CPEB1: variants seen among roughly 807,000 people sequenced by gnomAD.
CPEB1 encodes the protein cytoplasmic polyadenylation element binding protein 1.
In CPEB1, 7 loss-of-function variants were observed where a neutral mutation model predicts 65.8. That is an observed-to-expected ratio of 0.11 (90% CI 0.06 to 0.20). CPEB1 has a LOEUF of 0.20. CPEB1 is among the 10% of genes least tolerant of loss of function. CPEB1 has a pLI of 1.00. For missense variants in CPEB1, 551 were observed against 712.2 expected (o/e 0.77, Z 2.58); for synonymous variants, 262 against 260.0 (o/e 1.01, Z -0.08).
At chr15:82,592,433 C>T (rs2042333244) in intron 3 of CPEB1, among the ~76,000 whole-genome samples, 1 of 151,860 alleles carries the variant, frequency 6.6e-6, no homozygotes, top group Admixed American at 6.6e-5. Flanking sequence ...ACCAAAAATA[C>T]AGGGACTGGT....
chr15:82,628,641 T>C (rs2045974825), intron 1 of CPEB1, 85 bp from the exon 2 acceptor site: 2 of 590,056 alleles, frequency 3.4e-6, no homozygotes, highest in Non-Finnish European at 6.0e-6. Flanking sequence ...ACAGAAATTA[T>C]TTCTGTAAAG....
intron 3 of CPEB1, among the ~76,000 whole-genome samples, chr15:82,595,594 T>C (rs901042353): frequency 2.6e-5 from 4 of 152,168 alleles, no homozygotes; most frequent in Non-Finnish European, 5.9e-5. Context: ...TTCACAATGA[T>C]ACTAAAAAAC....
At chr15:82,575,209 G>T (rs942216453) in intron 3 of CPEB1, among the ~76,000 whole-genome samples, 8 of 152,168 alleles carry the variant, frequency 5.3e-5, no homozygotes, top group African/African-American at 1.7e-4. Flanking sequence ...CAATATACCA[G>T]ACTTAAAGCA....
Position 82,633,529 on chromosome 15 carries a change from C to T in CPEB1, c.-97-4973G>A, listed in dbSNP as rs566833728. Among the ~76,000 whole-genome samples, 7 of 152,196 alleles carry T rather than the reference C, an allele frequency of 4.6e-5. No homozygotes were observed. The East Asian group carries it at 1.2e-3, about 25-fold the overall frequency. On this transcript the variant is annotated intron_variant, in intron 1 of 12. Coordinates refer to ENST00000684509, the MANE Select transcript of CPEB1 (RefSeq NM_001365242.1). ...CTGGGATTACAGGCATGTGCCACCA[C>T]GCCTGGCTAATTTTTGTACTTTTGG...
chr15:82,629,639 A>AT (rs1396792631), intron 1 of CPEB1: 4 of 980,858 alleles, frequency 4.1e-6, no homozygotes, highest in Non-Finnish European at 4.8e-6. Flanking sequence ...TGGTTGACAG[A>AT]TTGAGTTTTT....
intron 3 of CPEB1, among the ~76,000 whole-genome samples, chr15:82,607,034 A>C (rs2043679543): frequency 6.6e-6 from 1 of 152,226 alleles, no homozygotes; most frequent in East Asian, 1.9e-4. Flanking sequence ...AAATTAAAGA[A>C]ACAAGGAAAT....
At chr15:82,589,859 A>T (rs955931881) in intron 3 of CPEB1, among the ~76,000 whole-genome samples, 1 of 152,212 alleles carries the variant, frequency 6.6e-6, no homozygotes, top group Non-Finnish European at 1.5e-5. Context: ...AGTATTCCCG[A>T]AACAATACAG....
At chr15:82,609,136 T>C (rs1268829791) in intron 3 of CPEB1, among the ~76,000 whole-genome samples, 1 of 152,134 alleles carries the variant, frequency 6.6e-6, no homozygotes, top group Admixed American at 6.6e-5. Flanking sequence ...TACTTTGAGA[T>C]AAAGAAACAC....
chr15:82,547,275 T>C, intron 10 of CPEB1, 38 bp from the exon 11 acceptor site: 2 of 1,040,284 alleles, frequency 1.9e-6, no homozygotes, highest in Non-Finnish European at 2.9e-6. Flanking sequence ...CTAACCAAAT[T>C]CTCCCAAATG....
chr15:82,621,088 T>C (rs190276260), intron 3 of CPEB1, among the ~76,000 whole-genome samples: 1 of 152,362 alleles, frequency 6.6e-6, no homozygotes, highest in East Asian at 1.9e-4. Flanking sequence ...TTTCAATCAT[T>C]TCCTGCAAGA....
rs182472231 is a variant in CPEB1 at position 82,589,636 on chromosome 15, C to T, written c.272-18104G>A. ...GCACATGCCCATAGTCCCAGCTACT[C>T]GGGAGGCTGAGGCAGGAGAGGTTGC... On this transcript the variant is annotated intron_variant, in intron 3 of 12. Coordinates refer to ENST00000684509, the MANE Select transcript of CPEB1 (RefSeq NM_001365242.1). 1.1e-4 allele frequency among the ~76,000 whole-genome samples: 17 copies of T among 151,734 alleles called. No individual in the cohort carries two copies. The East Asian group carries it at 1.6e-3, about 14-fold the overall frequency.
chr15:82,621,107 A>C (rs992923433), intron 3 of CPEB1, among the ~76,000 whole-genome samples: 4 of 152,218 alleles, frequency 2.6e-5, no homozygotes, highest in African/African-American at 9.6e-5. Flanking sequence ...GATGGGACTG[A>C]ATGTATTAAA....
At chr15:82,638,220 A>C (rs1054910098) in intron 1 of CPEB1, among the ~76,000 whole-genome samples, 2 of 152,224 alleles carry the variant, frequency 1.3e-5, no homozygotes, top group Non-Finnish European at 2.9e-5. Context: ...TAACTTCTTA[A>C]AGATTAGTTA....
At chr15:82,552,717 G>A in intron 8 of CPEB1, 101 bp from the exon 9 acceptor site, 4 of 1,293,306 alleles carry the variant, frequency 3.1e-6, no homozygotes, top group Middle Eastern at 1.8e-4. Context: ...AGAAGGTCTT[G>A]TGTATAAGAT....
At chr15:82,579,058 T>C (rs969881800) in intron 3 of CPEB1, among the ~76,000 whole-genome samples, 29 of 152,196 alleles carry the variant, frequency 1.9e-4, no homozygotes, top group Admixed American at 1.0e-3. Context: ...CCTGACCTCA[T>C]GTGATCTACC....
upstream of CPEB1, chr15:82,647,902 C>G (rs2047716460): frequency 2.4e-6 from 3 of 1,230,924 alleles, no homozygotes; most frequent in Middle Eastern, 2.8e-4. Flanking sequence ...GGCTGACGGG[C>G]TGACCGGCCA....
chr15:82,545,461 T>C (rs1042726647), intron 12 of CPEB1, among the ~76,000 whole-genome samples: 7 of 152,004 alleles, frequency 4.6e-5, no homozygotes, highest in Non-Finnish European at 1.0e-4. Context: ...TCCTAAGAGG[T>C]CCCAAACTTC....
intron 2 of CPEB1, 25 bp from the exon 3 acceptor site, chr15:82,627,392 T>C (rs999968581): frequency 1.3e-6 from 2 of 1,579,800 alleles, no homozygotes; most frequent in Non-Finnish European, 1.7e-6. Flanking sequence ...AAAAAGATAT[T>C]TAGGTTTTCT....
At chr15:82,552,299 C>CTTT (rs112872369) in intron 9 of CPEB1, among the ~76,000 whole-genome samples, 181 bp downstream of exon 9, 4 of 139,362 alleles carry the variant, frequency 2.9e-5, no homozygotes, top group Admixed American at 7.1e-5. Flanking sequence ...CCAAAGGTTG[C>CTTT]TTTTTTTTTT....
Sources: gnomAD v4.1 joint callset for allele counts (sites outside exome capture counted in the v4.1 genomes callset) on GRCh38, gnomAD v4.1.1 for gene constraint, MANE v1.5 for transcripts, NCBI Gene and HGNC (gene_info 2026-07-23, HGNC 2026-07-21) for gene names.